The following MARCHF1 variants were observed in gnomAD, a reference collection of about 807,000 sequenced individuals.
MARCHF1 encodes the protein E3 ubiquitin-protein ligase MARCHF1.
MARCHF1 carries 40 observed loss-of-function variants against 54.2 expected under a neutral mutation model. That is an observed-to-expected ratio of 0.74 (90% CI 0.57 to 0.96). The LOEUF is 0.96. Ranked by LOEUF, MARCHF1 falls within the 40% of genes least tolerant of loss-of-function variation. MARCHF1 has a pLI of 0.00. For missense variants in MARCHF1, 586 were observed against 656.5 expected, an observed-to-expected ratio of 0.89 and a Z score of 1.17; for synonymous variants, 236 against 236.3, an observed-to-expected ratio of 1.00 and a Z score of 0.01.
At chr4:163,541,798 A>G (rs1738731735) in intron 9 of MARCHF1, among the ~76,000 whole-genome samples, 1 of 152,210 alleles carries the variant, frequency 6.6e-6, no homozygotes, top group Non-Finnish European at 1.5e-5. Flanking sequence ...TTTTCCCAAC[A>G]ACTTTACAAG....
chr4:164,309,715 T>C (rs974645007), intron 1 of MARCHF1, among the ~76,000 whole-genome samples: 3 of 152,212 alleles, frequency 2.0e-5, no homozygotes, highest in East Asian at 3.8e-4. Flanking sequence ...AGTTGTGGAA[T>C]TGAATCAAGG....
At chr4:163,953,743 A>T (rs1752179221) in intron 3 of MARCHF1, among the ~76,000 whole-genome samples, 1 of 152,178 alleles carries the variant, frequency 6.6e-6, no homozygotes, top group African/African-American at 2.4e-5. Context: ...TTAAGGGGTT[A>T]AAAAAATCAA....
At chr4:163,756,813 A>G (rs1746689394) in intron 4 of MARCHF1, among the ~76,000 whole-genome samples, 1 of 152,164 alleles carries the variant, frequency 6.6e-6, no homozygotes, top group African/African-American at 2.4e-5. Context: ...AGATTCCTAA[A>G]GTAAATTTGT....
At chr4:164,327,129 A>G (rs1322180556) in intron 1 of MARCHF1, among the ~76,000 whole-genome samples, 4 of 152,292 alleles carry the variant, frequency 2.6e-5, no homozygotes, top group African/African-American at 9.6e-5. Context: ...ATTAGCACCT[A>G]GAATAAAAAT....
At chr4:164,209,030 A>G (rs188350971) in intron 1 of MARCHF1, among the ~76,000 whole-genome samples, 1 of 149,866 alleles carries the variant, frequency 6.7e-6, no homozygotes, top group African/African-American at 2.4e-5. Context: ...TTTATTATAT[A>G]TATTATATAT....
chr4:164,173,946 G>A (rs1045758629), intron 1 of MARCHF1, among the ~76,000 whole-genome samples: 3 of 152,094 alleles, frequency 2.0e-5, no homozygotes, highest in Non-Finnish European at 4.4e-5. Flanking sequence ...TTTTATAAGT[G>A]CCATTCTATT....
chr4:164,291,345 T>C (rs1249217771), intron 1 of MARCHF1, among the ~76,000 whole-genome samples: 1 of 152,028 alleles, frequency 6.6e-6, no homozygotes, highest in Non-Finnish European at 1.5e-5. Flanking sequence ...GTGCTATGAA[T>C]TTAAATGCAA....
At chr4:164,226,714 G>A (rs1276979784) in intron 1 of MARCHF1, among the ~76,000 whole-genome samples, 2 of 152,026 alleles carry the variant, frequency 1.3e-5, no homozygotes, top group South Asian at 2.1e-4. Context: ...TGTATAGAGA[G>A]TACAGATACA....
intron 3 of MARCHF1, among the ~76,000 whole-genome samples, chr4:163,986,291 G>C (rs1159764737): frequency 6.7e-5 from 2 of 29,896 alleles, no homozygotes; most frequent in African/African-American, 1.6e-4. Flanking sequence ...GAGATGGAGT[G>C]TCTCGCTCTG....
intron 2 of MARCHF1, among the ~76,000 whole-genome samples, chr4:163,997,820 A>G (rs999895665): frequency 6.6e-6 from 1 of 152,020 alleles, no homozygotes; most frequent in African/African-American, 2.4e-5. Flanking sequence ...GAAGACTTAA[A>G]TAATCAGCTT....
At chr4:163,894,326 G>C (rs981380028) in intron 3 of MARCHF1, among the ~76,000 whole-genome samples, 12 of 151,756 alleles carry the variant, frequency 7.9e-5, no homozygotes, top group African/African-American at 2.9e-4. Context: ...TCAGCACATG[G>C]GGGTATAAGA....
chr4:164,029,879 G>A (rs1218041526), intron 2 of MARCHF1, among the ~76,000 whole-genome samples: 1 of 152,244 alleles, frequency 6.6e-6, no homozygotes, highest in Middle Eastern at 3.2e-3. Flanking sequence ...ACAGGTGTGA[G>A]TCATCATACC....
intron 3 of MARCHF1, among the ~76,000 whole-genome samples, chr4:163,928,549 C>G (rs182294614): frequency 6.6e-6 from 1 of 151,856 alleles, no homozygotes; most frequent in African/African-American, 2.4e-5. Flanking sequence ...TGACTTGAGG[C>G]AATCTTAACT....
chr4:164,202,302 C>G (rs1220188831), intron 1 of MARCHF1, among the ~76,000 whole-genome samples: 1 of 152,000 alleles, frequency 6.6e-6, no homozygotes, highest in South Asian at 2.1e-4. Context: ...ATAATCTATA[C>G]CAAAACCCAA....
At chr4:164,274,658 A>AATT in intron 1 of MARCHF1, among the ~76,000 whole-genome samples, 1 of 44,926 alleles carries the variant, frequency 2.2e-5, no homozygotes, top group African/African-American at 1.7e-4. Context: ...TTCAGGGTAC[A>AATT]CTTTTTTTTT....
chr4:163,861,616 T>A (rs894952207), intron 3 of MARCHF1, among the ~76,000 whole-genome samples: 10 of 152,224 alleles, frequency 6.6e-5, no homozygotes, highest in African/African-American at 2.4e-4. Context: ...TGTTCATGGA[T>A]GGGAAGACTC....
intron 2 of MARCHF1, among the ~76,000 whole-genome samples, chr4:163,998,318 A>G (rs932318611): frequency 6.6e-6 from 1 of 151,416 alleles, no homozygotes; most frequent in Non-Finnish European, 1.5e-5. Flanking sequence ...TAATAATCAT[A>G]TAGATCTTTC....
At chr4:164,197,570 T>C in intron 1 of MARCHF1, 1 of 1,613,424 alleles carries the variant, frequency 6.2e-7, no homozygotes, top group Non-Finnish European at 8.5e-7. Context: ...TTGATTTTAC[T>C]TAAGAATTCC....
intron 1 of MARCHF1, among the ~76,000 whole-genome samples, chr4:164,217,169 A>C (rs1731957694): frequency 6.6e-6 from 1 of 152,192 alleles, no homozygotes; most frequent in African/African-American, 2.4e-5. Context: ...CTCTTGGACT[A>C]AGTGTTATTA....
Sources: gnomAD v4.1 joint callset for allele counts (sites outside exome capture counted in the v4.1 genomes callset) on GRCh38, gnomAD v4.1.1 for gene constraint, MANE v1.5 for transcripts, NCBI Gene and HGNC (gene_info 2026-07-23, HGNC 2026-07-21) for gene names.